Variants in TFAP2D observed in about 807,000 individuals in gnomAD.
TFAP2D encodes the protein transcription factor AP-2-delta.
In TFAP2D, 9 loss-of-function variants were observed where a neutral mutation model predicts 43.6. That is an observed-to-expected ratio of 0.21 (90% CI 0.12 to 0.36). The LOEUF (loss-of-function observed/expected upper bound fraction) is 0.36. Ranked by LOEUF, TFAP2D falls within the 10% of genes least tolerant of loss-of-function variation. The pLI, the probability that TFAP2D is intolerant of heterozygous loss-of-function variation, is 1.00. For synonymous variants in TFAP2D, 256 were observed against 224.9 expected, an observed-to-expected ratio of 1.14 and a Z score of -1.24; for missense variants, 513 against 561.4, an observed-to-expected ratio of 0.91 and a Z score of 0.87.
rs536765938 is a variant in TFAP2D at position 50,731,006 on chromosome 6, A to G, written c.883+1694A>G. Among the ~76,000 whole-genome samples the G allele has an allele frequency of 3.9e-5, 6 of 152,154 alleles. No homozygotes were observed. The South Asian group carries it at 1.0e-3, about 26-fold the overall frequency. ...TCAGTACTAACGGAAGACCCACAAA[A>G]ACTATGTTCACAATTCTTACTGATT... On this transcript the variant is annotated intron_variant, in intron 5 of 7. Coordinates refer to ENST00000008391, the MANE Select transcript of TFAP2D (RefSeq NM_172238.4).
intron 5 of TFAP2D, among the ~76,000 whole-genome samples, chr6:50,733,551 A>G (rs938629043): frequency 1.8e-4 from 27 of 152,242 alleles, no homozygotes; most frequent in Non-Finnish European, 2.6e-4. Flanking sequence ...TCTCTAGAAA[A>G]CATTCAAGGA....
intron 7 of TFAP2D, among the ~76,000 whole-genome samples, chr6:50,769,238 A>AT: frequency 6.6e-6 from 1 of 152,206 alleles, no homozygotes; most frequent in South Asian, 2.1e-4. Flanking sequence ...CATGTCCTTG[A>AT]TTTTAATAAC....
At chr6:50,749,144 G>A (rs1456325874) in intron 6 of TFAP2D, among the ~76,000 whole-genome samples, 1 of 151,726 alleles carries the variant, frequency 6.6e-6, no homozygotes, top group African/African-American at 2.4e-5. Context: ...AAGTGAGTGA[G>A]TTAAGCTGTA....
rs371181104 is a variant in TFAP2D at position 50,725,711 on chromosome 6, TAAA to T, written c.599-3144_599-3142del. On this transcript the variant is annotated intron_variant, in intron 3 of 7. Transcript: ENST00000008391. ...TTACCATCTGTAGTCTGGATTATCT[TAAA>T]GAAGTATCACTCCCTCAGCACCTTC... is the stretch of plus-strand genomic sequence containing the variant. Among the ~76,000 whole-genome samples, 967 of 152,326 alleles carry T rather than the reference TAAA, an allele frequency of 6.3e-3. 4 individuals carry two copies. The highest frequency in any genetic ancestry group is 9.8e-3 in the Non-Finnish European group (669 of 68,042).
At chr6:50,738,388 A>G (rs1265883170) in intron 5 of TFAP2D, among the ~76,000 whole-genome samples, 1 of 151,998 alleles carries the variant, frequency 6.6e-6, no homozygotes, top group Non-Finnish European at 1.5e-5. Context: ...ACTTTTTTAC[A>G]TTAATATAAT....
intron 7 of TFAP2D, among the ~76,000 whole-genome samples, chr6:50,766,443 G>A (rs1769442056): frequency 6.6e-6 from 1 of 151,878 alleles, no homozygotes; most frequent in East Asian, 1.9e-4. Context: ...TCCATAGATT[G>A]GTTTTAGTAT....
chr6:50,772,049 A>G (rs991610102), intron 7 of TFAP2D, among the ~76,000 whole-genome samples: 4 of 152,194 alleles, frequency 2.6e-5, no homozygotes, highest in Non-Finnish European at 5.9e-5. Flanking sequence ...ACACCATGGA[A>G]TACTATGCAG....
At chr6:50,766,348 C>A (rs1415451059) in intron 7 of TFAP2D, among the ~76,000 whole-genome samples, 1 of 152,044 alleles carries the variant, frequency 6.6e-6, no homozygotes, top group Non-Finnish European at 1.5e-5. Context: ...TATTTAGGGT[C>A]TTTCATGGTT....
chr6:50,751,407 A>G, intron 7 of TFAP2D, 83 bp downstream of exon 7: 1 of 938,120 alleles, frequency 1.1e-6, no homozygotes, highest in Admixed American at 1.9e-5. Flanking sequence ...TAGAGATACC[A>G]CTTATATGTT....
chr6:50,735,237 CTTCTGGT>C (rs978596773), intron 5 of TFAP2D, among the ~76,000 whole-genome samples: 5 of 152,100 alleles, frequency 3.3e-5, no homozygotes, highest in African/African-American at 1.2e-4. Context: ...GAACCCAGAT[CTTCTGGT>C]TTGCAGCATC....
At chr6:50,717,124 T>C (rs1287383607) in intron 2 of TFAP2D, among the ~76,000 whole-genome samples, 1 of 152,232 alleles carries the variant, frequency 6.6e-6, no homozygotes, top group Non-Finnish European at 1.5e-5. Flanking sequence ...CTCCTTTTAA[T>C]AGCCGCGTCT....
intron 5 of TFAP2D, among the ~76,000 whole-genome samples, chr6:50,742,488 C>T (rs184294512): frequency 6.6e-6 from 1 of 151,944 alleles, no homozygotes; most frequent in African/African-American, 2.4e-5. Flanking sequence ...CCTGTTTTAC[C>T]TCTCCCACTA....
At chr6:50,730,068 C>G (rs369800150) in intron 5 of TFAP2D, among the ~76,000 whole-genome samples, 1 of 151,950 alleles carries the variant, frequency 6.6e-6, no homozygotes, top group Non-Finnish European at 1.5e-5. Context: ...ATGTGGAATG[C>G]TATTGTTTAA....
chr6:50,719,742 G>C (rs988036525), intron 3 of TFAP2D, among the ~76,000 whole-genome samples: 1 of 152,150 alleles, frequency 6.6e-6, no homozygotes, highest in Non-Finnish European at 1.5e-5. Flanking sequence ...TTCTTTAAGG[G>C]AAGGTGGGAG....
chr6:50,766,873 T>C (rs949141586), intron 7 of TFAP2D, among the ~76,000 whole-genome samples: 2 of 151,966 alleles, frequency 1.3e-5, no homozygotes, highest in Admixed American at 1.3e-4. Context: ...TTTCACCTTG[T>C]TAGCCAGGAT....
At chr6:50,742,145 T>A (rs747813448) in intron 5 of TFAP2D, among the ~76,000 whole-genome samples, 10 of 152,108 alleles carry the variant, frequency 6.6e-5, no homozygotes, top group Non-Finnish European at 2.9e-5. Flanking sequence ...TGGATGCATT[T>A]ATTCATTCAT....
At chr6:50,771,673 G>T (rs532360617) in intron 7 of TFAP2D, among the ~76,000 whole-genome samples, 2 of 152,078 alleles carry the variant, frequency 1.3e-5, no homozygotes, top group South Asian at 4.1e-4. Context: ...TAATTAGTGC[G>T]TATCAATCAA....
intron 5 of TFAP2D, among the ~76,000 whole-genome samples, chr6:50,738,661 A>G (rs1487114799): frequency 1.3e-5 from 2 of 152,046 alleles, no homozygotes; most frequent in African/African-American, 4.8e-5. Context: ...TTCCCTACTA[A>G]CTTTAAGTGC....
At chr6:50,758,679 G>A (rs1342551798) in intron 7 of TFAP2D, among the ~76,000 whole-genome samples, 5 of 152,008 alleles carry the variant, frequency 3.3e-5, no homozygotes, top group Non-Finnish European at 7.4e-5. Flanking sequence ...CCTAAAGTGT[G>A]CATAGTTTTT....
Sources: allele counts gnomAD v4.1 joint callset (sites outside exome capture counted in the v4.1 genomes callset), GRCh38; gene constraint gnomAD v4.1.1; transcripts MANE v1.5; gene names NCBI Gene and HGNC (gene_info 2026-07-23, HGNC 2026-07-21).